PRDM16: variants seen among roughly 807,000 people sequenced by gnomAD.
The protein encoded by PRDM16 is PR/SET domain 16.
Under a neutral mutation model 110.6 loss-of-function variants are expected in PRDM16, and 23 were observed. The observed-to-expected ratio is 0.21, with a 90% confidence interval of 0.15 to 0.29. PRDM16 has a LOEUF of 0.29. Ranked by LOEUF, PRDM16 falls within the 10% of genes least tolerant of loss-of-function variation. PRDM16 has a pLI of 1.00. For missense variants in PRDM16, 1,615 were observed against 1,794.3 expected, an observed-to-expected ratio of 0.90 and a Z score of 1.81; for synonymous variants, 799 against 781.8, an observed-to-expected ratio of 1.02 and a Z score of -0.37.
chr1:3,302,408 C>A (rs1367437015), intron 3 of PRDM16, among the ~76,000 whole-genome samples: 1 of 152,164 alleles, frequency 6.6e-6, no homozygotes, highest in Non-Finnish European at 1.5e-5. Context: ...GTGACGGTGG[C>A]ATGCAGTAAG....
chr1:3,100,939 T>C (rs1172180265), intron 1 of PRDM16, among the ~76,000 whole-genome samples: 1 of 141,918 alleles, frequency 7.0e-6, no homozygotes, highest in Non-Finnish European at 1.5e-5. Context: ...CTTGGTCATG[T>C]GGGTGCTGGC....
chr1:3,170,744 T>A (rs1557499702), intron 1 of PRDM16, among the ~76,000 whole-genome samples: 1 of 152,062 alleles, frequency 6.6e-6, no homozygotes. Flanking sequence ...GCAACAAAGC[T>A]GTCCTGGCCG....
At chr1:3,187,629 C>A (rs1644285828) in intron 2 of PRDM16, among the ~76,000 whole-genome samples, 1 of 152,174 alleles carries the variant, frequency 6.6e-6, no homozygotes, top group Admixed American at 6.5e-5. Flanking sequence ...AGAACACCGA[C>A]GGCCTGGGGA....
chr1:3,273,281 T>A (rs1372723041), intron 3 of PRDM16, among the ~76,000 whole-genome samples: 2 of 152,176 alleles, frequency 1.3e-5, no homozygotes, highest in Non-Finnish European at 2.9e-5. Flanking sequence ...ACCACCCCAG[T>A]GCCCAGAAGA....
Position 3,281,475 on chromosome 1 carries a change from C to T in PRDM16, c.438+37338C>T, listed in dbSNP as rs576786499. ...TGAGAGAAGCAGCCTTGAAACTTAT[C>T]AGTCATTCACAACTTAGCATGATCA... is the stretch of plus-strand genomic sequence containing the variant. On this transcript the variant is annotated intron_variant, in intron 3 of 16. Coordinates refer to ENST00000270722, the MANE Select transcript of PRDM16 (RefSeq NM_022114.4). Among the ~76,000 whole-genome samples, 20 of 152,358 alleles carry T rather than the reference C, an allele frequency of 1.3e-4. 1 individual carries two copies. The South Asian group carries it at 4.1e-3, about 32-fold the overall frequency.
intron 1 of PRDM16, among the ~76,000 whole-genome samples, chr1:3,075,729 G>A (rs551075140): frequency 5.5e-4 from 84 of 152,382 alleles, no homozygotes; most frequent in African/African-American, 1.9e-3. Context: ...TGCCGTTTCC[G>A]AACCTGCACA....
chr1:3,390,752 G>C lies in PRDM16; in HGVS notation c.573+5466G>C, dbSNP rs1288203169. 6.6e-6 allele frequency among the ~76,000 whole-genome samples: 1 copy of C among 152,062 alleles called. No individual in the cohort carries two copies. The highest frequency in any genetic ancestry group is 2.4e-5 in the African/African-American group (1 of 41,412). On this transcript the variant is annotated intron_variant, in intron 4 of 16. Coordinates refer to ENST00000270722, the MANE Select transcript of PRDM16 (RefSeq NM_022114.4). This position sits in a 1 kb window ranked among gnomAD's most constrained non-coding sequence, Gnocchi z 5.0. ...CCTGTCAGGGTTGCGGTTTTAAACA[G>C]AGGGCATCCAACACCCATCATCTTG...
At chr1:3,074,289 G>A (rs1641840048) in intron 1 of PRDM16, among the ~76,000 whole-genome samples, 1 of 152,108 alleles carries the variant, frequency 6.6e-6, no homozygotes, top group Non-Finnish European at 1.5e-5. Flanking sequence ...CTCTTGGGAG[G>A]GCACACAGCA....
chr1:3,178,767 C>G (rs1258903173), intron 1 of PRDM16, among the ~76,000 whole-genome samples: 2 of 152,168 alleles, frequency 1.3e-5, no homozygotes, highest in African/African-American at 4.8e-5. Context: ...TGCTGAAGCA[C>G]CGATTGCCTG....
At chr1:3,106,226 G>A (rs551550899) in intron 1 of PRDM16, among the ~76,000 whole-genome samples, 4 of 152,250 alleles carry the variant, frequency 2.6e-5, no homozygotes, top group Non-Finnish European at 4.4e-5. Flanking sequence ...AGGTGGCCAG[G>A]TCTGCAGAGA....
intron 1 of PRDM16, among the ~76,000 whole-genome samples, chr1:3,114,177 A>ACACG (rs1642865339): frequency 1.0e-5 from 1 of 99,844 alleles, no homozygotes; most frequent in East Asian, 4.2e-4. Context: ...ACACACACGC[A>ACACG]CACACACGCA....
chr1:3,280,657 C>A (rs961938965), intron 3 of PRDM16, among the ~76,000 whole-genome samples: 2 of 152,224 alleles, frequency 1.3e-5, no homozygotes, highest in Non-Finnish European at 2.9e-5. Flanking sequence ...CTGGCACCAA[C>A]TAAGAACTAA....
At position 3,313,641 on chromosome 1, in the gene PRDM16, T is replaced by G. The variant is rs142097139; in HGVS notation, c.438+69504T>G. Among the ~76,000 whole-genome samples the G allele has an allele frequency of 5.0e-3, 766 of 152,304 alleles. 8 individuals are homozygous for G. Among genetic ancestry groups the G allele is most frequent in the African/African-American group, 0.017 (721 of 41,576 alleles). On this transcript the variant is annotated intron_variant, in intron 3 of 16. Coordinates refer to ENST00000270722, the MANE Select transcript of PRDM16 (RefSeq NM_022114.4). ...GCCTGCGAGGCCGTGCGGACCCCGC[T>G]CCACTCACCCCGCCTGGGGGCCAGA...
intron 1 of PRDM16, among the ~76,000 whole-genome samples, chr1:3,141,725 G>A (rs1432651525): frequency 6.6e-6 from 1 of 152,224 alleles, no homozygotes; most frequent in African/African-American, 2.4e-5. Flanking sequence ...TGCTTTGCCA[G>A]TCTTGATATT....
chr1:3,210,291 A>G (rs1055345130), intron 2 of PRDM16, among the ~76,000 whole-genome samples: 2 of 152,330 alleles, frequency 1.3e-5, no homozygotes, highest in Non-Finnish European at 1.5e-5. Context: ...AGCTCGAGGC[A>G]TCACTCCTGA....
At chr1:3,216,577 G>A (rs1234613010) in intron 2 of PRDM16, among the ~76,000 whole-genome samples, 1 of 152,208 alleles carries the variant, frequency 6.6e-6, no homozygotes, top group African/African-American at 2.4e-5. Context: ...CATCACAGCT[G>A]GGCACACTCA....
intron 3 of PRDM16, among the ~76,000 whole-genome samples, chr1:3,292,369 C>T (rs1200928805): frequency 6.6e-6 from 1 of 152,180 alleles, no homozygotes; most frequent in African/African-American, 2.4e-5. Context: ...AAGTGGTGTC[C>T]GGCTCTGTCC....
chr1:3,123,164 C>G (rs1020893716), intron 1 of PRDM16, among the ~76,000 whole-genome samples: 2 of 152,346 alleles, frequency 1.3e-5, no homozygotes, highest in African/African-American at 4.8e-5. Context: ...GCCTTCGGCG[C>G]TCCCCTCTTC....
In PRDM16 at chr1:3,229,351, T is replaced by C. The variant is rs371311363; in HGVS notation, c.388-14736T>C. Among the ~76,000 whole-genome samples, 81 of 152,196 alleles carry C rather than the reference T, an allele frequency of 5.3e-4. No individual in the cohort carries two copies. In the East Asian group the frequency reaches 0.012, roughly 23 times the overall value. ...GGCAAGAGGTGCCCACACCTGCAGGTGCCCCGGGGGCCCCTCCCCGGCCTC... is the reference window on the plus strand; with the variant it reads ...GGCAAGAGGTGCCCACACCTGCAGGCGCCCCGGGGGCCCCTCCCCGGCCTC... On this transcript the variant is annotated intron_variant, in intron 2 of 16. Coordinates refer to ENST00000270722, the MANE Select transcript of PRDM16 (RefSeq NM_022114.4).
Sources: gnomAD v4.1 joint callset for allele counts (sites outside exome capture counted in the v4.1 genomes callset) on GRCh38, gnomAD v4.1.1 for gene constraint, Gnocchi (gnomAD v3.1) non-coding constraint, MANE v1.5 for transcripts, NCBI Gene and HGNC (gene_info 2026-07-23, HGNC 2026-07-21) for gene names.